XRCC4: variants seen among roughly 807,000 people sequenced by gnomAD.
The protein encoded by XRCC4 is X-ray repair cross complementing 4, also known as DNA repair protein XRCC4.
XRCC4 carries 28 observed loss-of-function variants against 39.1 expected under a neutral mutation model. The ratio of observed to expected loss-of-function variants is 0.72; its 90% CI spans 0.53 to 0.98. The LOEUF is 0.98. XRCC4 is among the 50% of genes least tolerant of loss of function. The pLI is 0.00. For synonymous variants in XRCC4, 123 were observed against 126.4 expected (o/e 0.97, Z 0.18); for missense variants, 350 against 376.4 (o/e 0.93, Z 0.58).
intron 3 of XRCC4, among the ~76,000 whole-genome samples, chr5:83,123,199 A>G (rs747665799): frequency 2.0e-5 from 3 of 152,032 alleles, no homozygotes; most frequent in Non-Finnish European, 4.4e-5. Flanking sequence ...ACATTACTTC[A>G]TGTATTTTGA....
chr5:83,259,048 G>T, intron 7 of XRCC4: 1 of 185,174 alleles, frequency 5.4e-6, no homozygotes, highest in Non-Finnish European at 1.1e-5. Flanking sequence ...ATTTGGTTAT[G>T]CTTGGCATTT....
chr5:83,332,226 TACACACACACACACAC>T (rs67822741), intron 7 of XRCC4, among the ~76,000 whole-genome samples: 26 of 141,952 alleles, frequency 1.8e-4, no homozygotes, highest in South Asian at 9.3e-4. Context: ...TTCAATCTTC[TACACACACACACACAC>T]ACACACACAC....
intron 3 of XRCC4, among the ~76,000 whole-genome samples, chr5:83,119,714 G>C (rs149605438): frequency 0.014 from 2,062 of 152,248 alleles, 21 homozygotes; most frequent in Non-Finnish European, 0.018. Context: ...GCTCATGCCT[G>C]TAATCCCAGC....
intron 3 of XRCC4, among the ~76,000 whole-genome samples, chr5:83,171,707 C>A (rs797007453): frequency 1.4e-4 from 21 of 152,262 alleles, no homozygotes; most frequent in African/African-American, 5.1e-4. Flanking sequence ...AAATAAAGGC[C>A]AAATGCCTTA....
At position 83,350,814 on chromosome 5, in the gene XRCC4, G is replaced by A. The variant is rs544147414; in HGVS notation, c.894-2317G>A. Among the ~76,000 whole-genome samples the A allele has an allele frequency of 1.6e-3, 246 of 152,152 alleles. 3 individuals carry two copies. In the Middle Eastern group the frequency reaches 0.041, roughly 25 times the overall value. On this transcript the variant is annotated intron_variant, in intron 7 of 7. Coordinates refer to ENST00000396027, the MANE Select transcript of XRCC4 (RefSeq NM_003401.5). ...TTTTGTTTTTGTTGCAGTTGCTTTT[G>A]GGGACTTGGCCAAAAATTCTTTGCC... is the stretch of plus-strand genomic sequence containing the variant.
chr5:83,105,746 T>G (rs1484431154), intron 2 of XRCC4, among the ~76,000 whole-genome samples: 1 of 152,170 alleles, frequency 6.6e-6, no homozygotes, highest in Non-Finnish European at 1.5e-5. Flanking sequence ...TTTAAAGAAC[T>G]ATTTTTATAA....
At chr5:83,094,323 C>G (rs1455304675) in intron 1 of XRCC4, among the ~76,000 whole-genome samples, 1 of 132,182 alleles carries the variant, frequency 7.6e-6, no homozygotes, top group African/African-American at 2.8e-5. Flanking sequence ...CTCCCCTCCC[C>G]TCTCCTCCCC....
chr5:83,203,850 T>C (rs1283442439), intron 5 of XRCC4, 143 bp downstream of exon 5: 2 of 958,122 alleles, frequency 2.1e-6, no homozygotes, highest in South Asian at 1.6e-5. Context: ...GGCTGTTAGA[T>C]AGGGGTACCA....
intron 3 of XRCC4, among the ~76,000 whole-genome samples, chr5:83,113,531 C>T (rs935654643): frequency 1.3e-5 from 2 of 152,334 alleles, no homozygotes; most frequent in African/African-American, 4.8e-5. Flanking sequence ...GCTCCAACCC[C>T]ACATTTCCCT....
At chr5:83,256,272 A>G (rs894953165) in intron 6 of XRCC4, among the ~76,000 whole-genome samples, 29 of 152,154 alleles carry the variant, frequency 1.9e-4, no homozygotes, top group Admixed American at 8.5e-4. Flanking sequence ...CTTTAGTAAC[A>G]TTGTATTTTA....
intron 1 of XRCC4, among the ~76,000 whole-genome samples, chr5:83,099,583 C>G (rs1745829595): frequency 6.6e-6 from 1 of 152,102 alleles, no homozygotes; most frequent in Admixed American, 6.6e-5. Flanking sequence ...AGAGAGAGGC[C>G]AAGTATCAAA....
At chr5:83,079,512 C>G (rs1744837943) in intron 1 of XRCC4, among the ~76,000 whole-genome samples, 1 of 152,034 alleles carries the variant, frequency 6.6e-6, no homozygotes, top group African/African-American at 2.4e-5. Context: ...CTGTGTTATT[C>G]CTTTGTTCAA....
At chr5:83,300,336 T>TTCTC (rs966112920) in intron 7 of XRCC4, among the ~76,000 whole-genome samples, 2 of 152,100 alleles carry the variant, frequency 1.3e-5, no homozygotes, top group Non-Finnish European at 2.9e-5. Context: ...TATGTTCTCT[T>TTCTC]TCTCTCTCTC....
At chr5:83,164,970 A>T (rs1749390852) in intron 3 of XRCC4, among the ~76,000 whole-genome samples, 2 of 151,656 alleles carry the variant, frequency 1.3e-5, no homozygotes, top group African/African-American at 4.9e-5. Context: ...TGTTTATTTT[A>T]TTTTAAATAA....
At chr5:83,134,102 G>T (rs1373469886) in intron 3 of XRCC4, among the ~76,000 whole-genome samples, 3 of 152,202 alleles carry the variant, frequency 2.0e-5, no homozygotes, top group African/African-American at 7.2e-5. Flanking sequence ...TTGGACCGCT[G>T]TTCCCTATTC....
chr5:83,301,146 A>T (rs1755270732), intron 7 of XRCC4, among the ~76,000 whole-genome samples: 1 of 152,186 alleles, frequency 6.6e-6, no homozygotes, highest in Admixed American at 6.5e-5. Context: ...ATCCTTGATG[A>T]ATCGCCACAC....
At position 83,252,583 on chromosome 5, in the gene XRCC4, CT is replaced by C. The variant is rs144303864; in HGVS notation, c.746-5941del. Among the ~76,000 whole-genome samples, 1,240 of 151,712 alleles carry C rather than the reference CT, an allele frequency of 8.2e-3. 16 individuals carry two copies. The highest frequency in any genetic ancestry group is 0.072 in the East Asian group (372 of 5,162). The stretch of plus-strand genomic sequence containing the variant: ...ATGATGATATTGGATATTTCTGATA[CT>C]TTTTTATTTAAAAATATTTGTAAAT... On this transcript the variant is annotated intron_variant, in intron 6 of 7. Transcript: ENST00000396027.
At chr5:83,275,918 G>T (rs1754315980) in intron 7 of XRCC4, among the ~76,000 whole-genome samples, 1 of 152,304 alleles carries the variant, frequency 6.6e-6, no homozygotes, top group Middle Eastern at 3.4e-3. Context: ...GTTGGTATTT[G>T]AATAACTATT....
At chr5:83,149,712 G>T (rs901249535) in intron 3 of XRCC4, among the ~76,000 whole-genome samples, 7 of 152,100 alleles carry the variant, frequency 4.6e-5, no homozygotes, top group African/African-American at 1.7e-4. Flanking sequence ...TATCTGGCAG[G>T]TTGTAAATAT....
Sources: allele counts gnomAD v4.1 joint callset (sites outside exome capture counted in the v4.1 genomes callset), GRCh38; gene constraint gnomAD v4.1.1; transcripts MANE v1.5; gene names NCBI Gene and HGNC (gene_info 2026-07-23, HGNC 2026-07-21).